Variants in TMOD1 observed in about 807,000 individuals in gnomAD.
TMOD1 encodes the protein tropomodulin-1.
In TMOD1, 17 loss-of-function variants were observed where a neutral mutation model predicts 40.6. The ratio of observed to expected loss-of-function variants is 0.42; its 90% CI spans 0.29 to 0.63. TMOD1 has a LOEUF of 0.63. Among genes scored for constraint, TMOD1 ranks in the 20% least tolerant of loss-of-function variants. TMOD1 has a pLI of 0.22. For missense variants in TMOD1, 391 were observed against 447.6 expected (o/e 0.87, Z 1.14); for synonymous variants, 181 against 175.0 (o/e 1.03, Z -0.27).
At chr9:97,564,560 G>A (rs1232654147) in intron 6 of TMOD1, among the ~76,000 whole-genome samples, 1 of 152,196 alleles carries the variant, frequency 6.6e-6, no homozygotes, top group Non-Finnish European at 1.5e-5. Context: ...ACTAGGCTCG[G>A]GGGTAACACA....
At chr9:97,515,857 A>C (rs1490531882) in intron 1 of TMOD1, among the ~76,000 whole-genome samples, 5 of 152,078 alleles carry the variant, frequency 3.3e-5, no homozygotes, top group African/African-American at 1.2e-4. Flanking sequence ...TCTGGAACCC[A>C]TCACAGGTGA....
intron 8 of TMOD1, among the ~76,000 whole-genome samples, chr9:97,575,455 A>T (rs1195206638): frequency 6.6e-6 from 1 of 152,250 alleles, no homozygotes; most frequent in African/African-American, 2.4e-5. Flanking sequence ...TTCCGGACAC[A>T]TAACTAGCAA....
At chr9:97,544,460 C>T (rs36009623) in intron 2 of TMOD1, among the ~76,000 whole-genome samples, 30,595 of 150,674 alleles carry the variant, frequency 0.2, 3,514 homozygotes, top group Middle Eastern at 0.29. Flanking sequence ...TGCTTGAACC[C>T]GGGAGGTGGA....
intron 8 of TMOD1, among the ~76,000 whole-genome samples, chr9:97,589,858 A>G (rs1825965543): frequency 6.6e-6 from 1 of 152,070 alleles, no homozygotes; most frequent in Non-Finnish European, 1.5e-5. Flanking sequence ...GTTTAAGATT[A>G]TATTTATGTT....
intron 2 of TMOD1, 38 bp from the exon 3 acceptor site, chr9:97,546,147 T>C: frequency 6.4e-7 from 1 of 1,574,270 alleles, no homozygotes; most frequent in Non-Finnish European, 8.6e-7. Context: ...TCTCTCTCTC[T>C]TTCTCTCTCT....
chr9:97,529,319 G>A (rs984209297), intron 2 of TMOD1, among the ~76,000 whole-genome samples: 12 of 152,106 alleles, frequency 7.9e-5, no homozygotes, highest in African/African-American at 2.4e-4. Flanking sequence ...GGATACAGTC[G>A]GCCTAGATGG....
intron 8 of TMOD1, among the ~76,000 whole-genome samples, chr9:97,583,714 C>A (rs1162173621): frequency 7.1e-6 from 1 of 140,408 alleles, no homozygotes; most frequent in South Asian, 2.5e-4. Context: ...TCAACTTCTT[C>A]CTGGTTTAGT....
At chr9:97,531,777 G>C (rs938325409) in intron 2 of TMOD1, among the ~76,000 whole-genome samples, 1 of 152,160 alleles carries the variant, frequency 6.6e-6, no homozygotes, top group African/African-American at 2.4e-5. Flanking sequence ...TTTGGAGTCT[G>C]TCCTGGACAC....
rs776079138 is a variant in TMOD1, at chr9:97,600,241, C to CAGAT, written c.*547_*550dup. 2.3e-4 allele frequency: 231 copies of CAGAT among 988,348 alleles called. No homozygotes were observed. The highest frequency in any genetic ancestry group is 1.8e-3 in the Admixed American group (30 of 16,800). The allele number at this position is 988,348 out of a possible 1,614,324, so 61.2% of individuals were successfully genotyped here. A position where few individuals can be genotyped will look rare whatever the true frequency, so the allele number is the denominator to read the frequency against. On this transcript the variant is annotated 3_prime_UTR_variant, in exon 10 of 10. Coordinates refer to ENST00000259365, the MANE Select transcript of TMOD1 (RefSeq NM_003275.4). ...CCAGAACACAATTTTCCCCTCAGAA[C>CAGAT]AGATAGACAGACTGAAGCCACTGAA...
chr9:97,505,045 T>G (rs140460981), intron 1 of TMOD1, among the ~76,000 whole-genome samples: 2 of 152,370 alleles, frequency 1.3e-5, no homozygotes, highest in African/African-American at 4.8e-5. Flanking sequence ...TTCCTTTGGC[T>G]AATCATGATA....
intron 8 of TMOD1, among the ~76,000 whole-genome samples, chr9:97,570,050 A>G (rs574336279): frequency 6.6e-6 from 1 of 152,360 alleles, no homozygotes; most frequent in East Asian, 1.9e-4. Context: ...AACAGTGGTT[A>G]TACCTGAGTG....
At chr9:97,527,385 A>C (rs903848388) in intron 2 of TMOD1, among the ~76,000 whole-genome samples, 10 of 152,372 alleles carry the variant, frequency 6.6e-5, no homozygotes, top group African/African-American at 2.4e-4. Flanking sequence ...TGGTGGGGAC[A>C]CAGGCATAAT....
chr9:97,554,941 C>T (rs1207831404), intron 4 of TMOD1, among the ~76,000 whole-genome samples: 1 of 152,152 alleles, frequency 6.6e-6, no homozygotes, highest in Non-Finnish European at 1.5e-5. Flanking sequence ...TCTGGGGGAC[C>T]TGAGGAGTGA....
chr9:97,545,755 C>T (rs956277708), intron 2 of TMOD1, among the ~76,000 whole-genome samples: 3 of 152,162 alleles, frequency 2.0e-5, no homozygotes, highest in Non-Finnish European at 4.4e-5. Context: ...CTTCTCTCTC[C>T]GGAGCCACCT....
chr9:97,551,287 G>C (rs1238865297), intron 3 of TMOD1, among the ~76,000 whole-genome samples: 1 of 152,040 alleles, frequency 6.6e-6, no homozygotes, highest in African/African-American at 2.4e-5. Flanking sequence ...CCCTTCCAAA[G>C]TGCTGGGATT....
At chr9:97,585,554 C>T (rs1389139220) in intron 8 of TMOD1, among the ~76,000 whole-genome samples, 1 of 149,802 alleles carries the variant, frequency 6.7e-6, no homozygotes, top group East Asian at 1.9e-4. Context: ...GTTGGCCTGC[C>T]TTGCTAGATT....
chr9:97,577,666 G>T (rs1262058689), intron 8 of TMOD1, among the ~76,000 whole-genome samples: 2 of 152,036 alleles, frequency 1.3e-5, no homozygotes, highest in Non-Finnish European at 1.5e-5. Context: ...TGCTACTCAG[G>T]AGGCTGAGGC....
intron 2 of TMOD1, among the ~76,000 whole-genome samples, chr9:97,535,058 G>A (rs2131233887): frequency 6.6e-6 from 1 of 152,328 alleles, no homozygotes; most frequent in East Asian, 1.9e-4. Context: ...TCAGGAGGCT[G>A]GAGAGGTGGG....
intron 1 of TMOD1, among the ~76,000 whole-genome samples, chr9:97,515,633 A>G (rs1023046710): frequency 6.6e-6 from 1 of 152,140 alleles, no homozygotes; most frequent in Admixed American, 6.5e-5. Context: ...AAAGGGTCCC[A>G]CTGTTTTACT....
Sources: allele counts gnomAD v4.1 joint callset (sites outside exome capture counted in the v4.1 genomes callset), GRCh38; gene constraint gnomAD v4.1.1; transcripts MANE v1.5; gene names NCBI Gene and HGNC (gene_info 2026-07-23, HGNC 2026-07-21).